The following NTM variants were observed in gnomAD, a reference collection of about 807,000 sequenced individuals.
NTM encodes IgLON family member 2.
A neutral mutation model predicts 42.1 loss-of-function variants in NTM; 13 were observed. The ratio of observed to expected loss-of-function variants is 0.31; its 90% CI spans 0.20 to 0.49. The LOEUF (loss-of-function observed/expected upper bound fraction) is 0.49. Ranked by LOEUF, NTM falls within the 20% of genes least tolerant of loss-of-function variation. The probability of loss-of-function intolerance (pLI) is 0.99; values close to 1 mark genes in which losing one functional copy is unlikely to be tolerated. For missense variants in NTM, 373 were observed against 452.8 expected, an observed-to-expected ratio of 0.82 and a Z score of 1.60; for synonymous variants, 187 against 179.2, an observed-to-expected ratio of 1.04 and a Z score of -0.35.
chr11:131,464,247 G>A (rs1951676648), intron 1 of NTM, among the ~76,000 whole-genome samples: 1 of 152,088 alleles, frequency 6.6e-6, no homozygotes, highest in Non-Finnish European at 1.5e-5. Context: ...CTGGGAATGC[G>A]GCAGGGAGTT....
At position 131,615,387 on chromosome 11, in the gene NTM, C is replaced by T. The variant is rs543100507; in HGVS notation, c.82+244499C>T. Among the ~76,000 whole-genome samples, 14 of 152,004 alleles carry T rather than the reference C, an allele frequency of 9.2e-5. No individual in the cohort carries two copies. In the South Asian group the frequency reaches 1.9e-3, roughly 20 times the overall value. ...TCTCTCTCATTTTTTTTTATTTAGACGGAGTCTCTCTCTTGTCACCCAGGC... is the reference window on the plus strand; with the variant it reads ...TCTCTCTCATTTTTTTTTATTTAGATGGAGTCTCTCTCTTGTCACCCAGGC... On this transcript the variant is annotated intron_variant, in intron 1 of 8. Transcript: ENST00000683400.
chr11:131,417,877 T>C (rs1947115451), intron 1 of NTM, among the ~76,000 whole-genome samples: 1 of 152,226 alleles, frequency 6.6e-6, no homozygotes, highest in Admixed American at 6.5e-5. Flanking sequence ...TAGAAGTCCC[T>C]TTGGCAGTGT....
chr11:132,067,171 G>T (rs2136097749), intron 2 of NTM, among the ~76,000 whole-genome samples: 1 of 152,234 alleles, frequency 6.6e-6, no homozygotes, highest in African/African-American at 2.4e-5. Flanking sequence ...GCTCATGCTG[G>T]TCTTAAGCTC....
At chr11:132,251,876 C>T (rs781425125) in intron 4 of NTM, among the ~76,000 whole-genome samples, 7 of 152,210 alleles carry the variant, frequency 4.6e-5, no homozygotes, top group African/African-American at 7.2e-5. Flanking sequence ...CAGGAAGAGG[C>T]GCAGGCTTCC....
intron 1 of NTM, among the ~76,000 whole-genome samples, chr11:131,398,791 C>A (rs1944826844): frequency 2.0e-5 from 3 of 152,212 alleles, no homozygotes; most frequent in Admixed American, 1.3e-4. Context: ...CCAGACCCCG[C>A]ATCCAGTTAG....
intron 7 of NTM, among the ~76,000 whole-genome samples, chr11:132,322,316 A>C (rs2136296149): frequency 6.6e-6 from 1 of 151,862 alleles, no homozygotes; most frequent in East Asian, 1.9e-4. Flanking sequence ...TAGGCTCAAA[A>C]TAAAAGGATG....
intron 1 of NTM, among the ~76,000 whole-genome samples, chr11:131,441,558 C>T (rs1217697279): frequency 1.3e-5 from 2 of 152,112 alleles, no homozygotes; most frequent in East Asian, 3.8e-4. Context: ...AGATAAGTGC[C>T]TTGTTCCTCC....
chr11:131,385,696 A>T (rs183201195), intron 1 of NTM, among the ~76,000 whole-genome samples: 47 of 152,208 alleles, frequency 3.1e-4, no homozygotes, highest in Middle Eastern at 6.8e-3. Context: ...CTACAAAAAA[A>T]TTTTTTTAAA....
chr11:132,121,984 C>T (rs2064911877), intron 2 of NTM, among the ~76,000 whole-genome samples: 1 of 152,220 alleles, frequency 6.6e-6, no homozygotes, highest in African/African-American at 2.4e-5. Context: ...ATCACCTAGA[C>T]ACCATGGGCT....
chr11:132,288,504 T>C (rs2139962488), intron 4 of NTM, among the ~76,000 whole-genome samples: 1 of 152,386 alleles, frequency 6.6e-6, no homozygotes, highest in Non-Finnish European at 1.5e-5. Flanking sequence ...AATTCATGTA[T>C]AGAACACCAC....
At chr11:131,789,930 TG>T (rs1270124694) in intron 1 of NTM, among the ~76,000 whole-genome samples, 47 of 112,954 alleles carry the variant, frequency 4.2e-4, no homozygotes, top group Non-Finnish European at 5.8e-4. Flanking sequence ...CACTCCAGCC[TG>T]GGCGACAGAG....
chr11:132,271,801 T>G (rs1365574880), intron 4 of NTM, among the ~76,000 whole-genome samples: 2 of 151,752 alleles, frequency 1.3e-5, no homozygotes, highest in Admixed American at 6.6e-5. Context: ...GAATTCCTAA[T>G]CAGATATATG....
At chr11:132,220,380 T>C (rs2084895881) in intron 4 of NTM, among the ~76,000 whole-genome samples, 1 of 152,228 alleles carries the variant, frequency 6.6e-6, no homozygotes, top group Non-Finnish European at 1.5e-5. Context: ...TACTGCTAGA[T>C]AGATGCAGTT....
At chr11:131,967,395 A>C (rs551347622) in intron 2 of NTM, among the ~76,000 whole-genome samples, 13 of 152,304 alleles carry the variant, frequency 8.5e-5, no homozygotes, top group Middle Eastern at 3.4e-3. Flanking sequence ...TCACGGTCTC[A>C]GCTGGGCTTG....
At chr11:132,186,417 T>C (rs1012997286) in intron 3 of NTM, among the ~76,000 whole-genome samples, 2 of 152,202 alleles carry the variant, frequency 1.3e-5, no homozygotes, top group African/African-American at 4.8e-5. Flanking sequence ...CCAGCCAGTC[T>C]TGGATCTCTA....
intron 4 of NTM, among the ~76,000 whole-genome samples, chr11:132,286,516 G>GCC (rs200788377): frequency 1.3e-5 from 2 of 151,290 alleles, no homozygotes; most frequent in African/African-American, 4.9e-5. Context: ...TTGCCTGTCC[G>GCC]CCCCCCCCAC....
At chr11:132,134,963 T>C (rs945326474) in intron 2 of NTM, among the ~76,000 whole-genome samples, 4 of 152,052 alleles carry the variant, frequency 2.6e-5, no homozygotes, top group African/African-American at 9.6e-5. Flanking sequence ...CTGTTTTCCA[T>C]AGTGGTTGTA....
intron 1 of NTM, among the ~76,000 whole-genome samples, chr11:131,741,343 TG>T (rs1293912224): frequency 6.6e-6 from 1 of 152,148 alleles, no homozygotes; most frequent in Non-Finnish European, 1.5e-5. Context: ...GTACCACTTG[TG>T]GGAGTGGAGC....
intron 2 of NTM, among the ~76,000 whole-genome samples, chr11:131,919,662 C>T (rs2138190000): frequency 6.6e-6 from 1 of 152,278 alleles, no homozygotes; most frequent in South Asian, 2.1e-4. Flanking sequence ...TTACCCATCT[C>T]ACAGTGTTGT....
Sources: gnomAD v4.1 joint callset for allele counts (sites outside exome capture counted in the v4.1 genomes callset) on GRCh38, gnomAD v4.1.1 for gene constraint, MANE v1.5 for transcripts, NCBI Gene and HGNC (gene_info 2026-07-23, HGNC 2026-07-21) for gene names.